Variants in WWOX observed in about 807,000 individuals in gnomAD.
The protein encoded by WWOX is WW domain containing oxidoreductase, also known as WW domain-containing oxidoreductase.
In WWOX, 69 loss-of-function variants were observed where a neutral mutation model predicts 46.2. The observed-to-expected ratio is 1.49, with a 90% CI of 1.23 to 1.82. The LOEUF (loss-of-function observed/expected upper bound fraction) is 1.82, where lower values mean the gene tolerates loss of function less well. WWOX is among the 40% of genes most tolerant of loss of function. The pLI is 0.00. For synonymous variants in WWOX, 359 were observed against 202.6 expected (o/e 1.77, Z -6.56); for missense variants, 919 against 542.6 (o/e 1.69, Z -6.89).
chr16:78,303,013 G>C (rs972110627), intron 5 of WWOX, among the ~76,000 whole-genome samples: 3 of 152,126 alleles, frequency 2.0e-5, no homozygotes, highest in African/African-American at 4.8e-5. Context: ...TCTCCATATG[G>C]ATTTTCATTT....
intron 5 of WWOX, among the ~76,000 whole-genome samples, chr16:78,333,788 C>T (rs78592597): frequency 0.011 from 1,637 of 152,238 alleles, 19 homozygotes; most frequent in Non-Finnish European, 0.018. Context: ...GCTTATTTGG[C>T]GTTTTGTTTT....
chr16:78,240,086 A>G (rs1242199461), intron 5 of WWOX, among the ~76,000 whole-genome samples: 1 of 152,168 alleles, frequency 6.6e-6, no homozygotes, highest in Non-Finnish European at 1.5e-5. Flanking sequence ...CGTTATATGG[A>G]AACAGGGTCT....
chr16:78,446,390 C>G (rs1273923229), intron 8 of WWOX, among the ~76,000 whole-genome samples: 1 of 152,122 alleles, frequency 6.6e-6, no homozygotes, highest in Non-Finnish European at 1.5e-5. Flanking sequence ...CCTTGTCTGC[C>G]TTTGCTTTGA....
At chr16:78,959,687 C>T (rs1258004331) in intron 8 of WWOX, among the ~76,000 whole-genome samples, 1 of 152,184 alleles carries the variant, frequency 6.6e-6, no homozygotes. Flanking sequence ...CAGGCTCAGA[C>T]ACTGATGAGA....
chr16:78,160,113 A>C lies in WWOX; in HGVS notation c.410-4070A>C, dbSNP rs76239099. On this transcript the variant is annotated intron_variant, in intron 4 of 8. Coordinates refer to ENST00000566780, the MANE Select transcript of WWOX (RefSeq NM_016373.4). The stretch of plus-strand genomic sequence containing the variant: ...CCATCGTTCTGCTTTCTTTAGGCTT[A>C]ATTTGCTGGGTTATTTTCCTAATGT... Among the ~76,000 whole-genome samples the C allele has an allele frequency of 5.5e-3, 833 of 151,456 alleles. 9 individuals carry two copies. The highest frequency in any genetic ancestry group is 0.019 in the African/African-American group (782 of 41,296).
At chr16:78,429,176 G>C (rs893833322) in intron 7 of WWOX, among the ~76,000 whole-genome samples, 7 of 152,182 alleles carry the variant, frequency 4.6e-5, no homozygotes, top group Non-Finnish European at 8.8e-5. Flanking sequence ...TTTGGAATCA[G>C]GTGATCAATT....
intron 7 of WWOX, among the ~76,000 whole-genome samples, chr16:78,426,809 G>A (rs762708677): frequency 2.0e-5 from 3 of 152,062 alleles, no homozygotes; most frequent in Non-Finnish European, 2.9e-5. Context: ...GACCACAGGC[G>A]CTTGCCACCA....
chr16:78,845,879 C>T (rs2052285821), intron 8 of WWOX, among the ~76,000 whole-genome samples: 1 of 152,140 alleles, frequency 6.6e-6, no homozygotes, highest in East Asian at 1.9e-4. Context: ...ATTTTAATGA[C>T]CTTGTGCCTC....
chr16:78,210,822 T>C (rs2036537568), intron 5 of WWOX, among the ~76,000 whole-genome samples: 2 of 152,198 alleles, frequency 1.3e-5, no homozygotes, highest in Non-Finnish European at 2.9e-5. Context: ...AGCCTATCTG[T>C]GGTTTAATAT....
At chr16:78,333,042 A>AATTTTTTTTTTTT in intron 5 of WWOX, among the ~76,000 whole-genome samples, 1 of 62,178 alleles carries the variant, frequency 1.6e-5, no homozygotes, top group Admixed American at 1.9e-4. Context: ...AGAGCATTAT[A>AATTTTTTTTTTTT]CTTTTTTTTT....
chr16:79,110,059 G>C (rs2049387378), intron 8 of WWOX, among the ~76,000 whole-genome samples: 1 of 152,184 alleles, frequency 6.6e-6, no homozygotes, highest in Non-Finnish European at 1.5e-5. Flanking sequence ...AGCAGGGTGT[G>C]ATCCTGTTAT....
intron 8 of WWOX, among the ~76,000 whole-genome samples, chr16:79,015,351 C>T (rs1597279711): frequency 6.6e-6 from 1 of 152,280 alleles, no homozygotes; most frequent in East Asian, 1.9e-4. Context: ...AGCCGTGTGA[C>T]CTTCCACATG....
At chr16:79,173,087 G>A (rs8049536) in intron 8 of WWOX, among the ~76,000 whole-genome samples, 2 of 152,026 alleles carry the variant, frequency 1.3e-5, no homozygotes, top group African/African-American at 4.8e-5. Flanking sequence ...AGGATTCTCT[G>A]CAGAAGAATC....
At chr16:78,151,653 A>C (rs1310053398) in intron 4 of WWOX, among the ~76,000 whole-genome samples, 3 of 152,188 alleles carry the variant, frequency 2.0e-5, no homozygotes, top group Non-Finnish European at 4.4e-5. Context: ...TCTGTATTAA[A>C]ATTCATAAAG....
At chr16:79,062,292 C>G (rs1026710919) in intron 8 of WWOX, among the ~76,000 whole-genome samples, 2 of 152,164 alleles carry the variant, frequency 1.3e-5, no homozygotes, top group African/African-American at 4.8e-5. Context: ...ATGCCCAATA[C>G]CTTCTGGCAT....
chr16:78,346,370 T>G (rs922390669), intron 5 of WWOX, among the ~76,000 whole-genome samples: 4 of 120,918 alleles, frequency 3.3e-5, no homozygotes, highest in Admixed American at 8.0e-5. Context: ...GATGCACTAG[T>G]CTTTGTGTGG....
At chr16:78,386,683 C>T (rs539383782) in intron 5 of WWOX, among the ~76,000 whole-genome samples, 177 bp from the exon 6 acceptor site, 8 of 150,658 alleles carry the variant, frequency 5.3e-5, no homozygotes, top group South Asian at 2.1e-4. Context: ...ACATCCTCCC[C>T]GAACTTGGCA....
intron 5 of WWOX, among the ~76,000 whole-genome samples, chr16:78,175,875 T>G (rs2035327900): frequency 6.6e-6 from 1 of 152,164 alleles, no homozygotes; most frequent in Non-Finnish European, 1.5e-5. Context: ...GACTGGACAG[T>G]GAGTTCTAAG....
intron 4 of WWOX, 146 bp from the exon 5 acceptor site, chr16:78,164,037 G>C: frequency 1.3e-6 from 1 of 765,778 alleles, no homozygotes; most frequent in Non-Finnish European, 2.3e-6. Context: ...AATGTCTCCA[G>C]ACATTTGCTT....
Sources: gnomAD v4.1 joint callset for allele counts (sites outside exome capture counted in the v4.1 genomes callset) on GRCh38, gnomAD v4.1.1 for gene constraint, MANE v1.5 for transcripts, NCBI Gene and HGNC (gene_info 2026-07-23, HGNC 2026-07-21) for gene names.